VPS9D1: variants seen among roughly 807,000 people sequenced by gnomAD.
VPS9D1 encodes the protein VPS9 domain containing 1.
VPS9D1 carries 78 observed loss-of-function variants against 75.8 expected under a neutral mutation model. The ratio of observed to expected loss-of-function variants is 1.03; its 90% CI spans 0.86 to 1.24. VPS9D1 has a LOEUF of 1.24. Ranked by LOEUF, VPS9D1 falls within the 50% of genes most tolerant of loss-of-function variation. The pLI, the probability that VPS9D1 is intolerant of heterozygous loss-of-function variation, is 0.00. For synonymous variants in VPS9D1, 481 were observed against 385.6 expected, an observed-to-expected ratio of 1.25 and a Z score of -2.90; for missense variants, 1,057 against 847.7, an observed-to-expected ratio of 1.25 and a Z score of -3.07.
intron 1 of VPS9D1, chr16:89,720,537 C>T: frequency 8.6e-7 from 1 of 1,166,606 alleles, no homozygotes; most frequent in Non-Finnish European, 1.1e-6. Flanking sequence ...ACCGGCTCAG[C>T]GAGCGGAGTG....
Position 89,709,248 on chromosome 16 carries a change from G to C in VPS9D1, c.1576C>G (p.Gln526Glu). 1.9e-6 allele frequency: 3 copies of C among 1,611,824 alleles called. No individual in the cohort carries two copies. The East Asian group carries it at 6.7e-5, about 36-fold the overall frequency. ...LGLLVLESCP[Q>E]KKLECIVRTL... ...TGACCTATGCACTCCAGCTTCTTCT[G>C]GGGGCAGCTCTCCAGGACCAGCAGT... Residue 526 changes from glutamine (Q) to glutamate (E), a missense_variant, in exon 12 of 15, where the codon CAG becomes GAG. Gln to Glu is a conservative substitution (Grantham distance 29, BLOSUM62 2). Transcript: ENST00000389386.
chr16:89,720,558 G>A (rs557305724), intron 1 of VPS9D1: 3 of 1,182,968 alleles, frequency 2.5e-6, no homozygotes, highest in East Asian at 7.6e-5. Flanking sequence ...GAAAGCCAAG[G>A]TCCGCAGGAT....
At position 89,717,864 on chromosome 16, in the gene VPS9D1, C is replaced by T. The variant is rs531018771; in HGVS notation, c.176-1042G>A. 6.8e-4 allele frequency: 309 copies of T among 451,276 alleles called. 1 individual carries two copies. Among genetic ancestry groups the T allele is most frequent in the African/African-American group, 5.5e-3 (275 of 49,606 alleles). 28.0% of individuals were successfully genotyped at this position (451,276 alleles called of 1,614,324 possible). A position where few individuals can be genotyped will look rare whatever the true frequency, so the allele number is the denominator to read the frequency against. ...GTGATCCTACGTCCAGTGGCTGCCC[C>T]GACCTCTGTGATCCCACGTCCAGGG... On this transcript the variant is annotated intron_variant, in intron 2 of 14. Transcript: ENST00000389386.
chr16:89,708,708 G>A (rs891931737), intron 13 of VPS9D1, 149 bp downstream of exon 13: 16 of 1,097,888 alleles, frequency 1.5e-5, no homozygotes, highest in Admixed American at 2.7e-5. Flanking sequence ...CCCGTACTGC[G>A]GAGCCAGGGC....
chr16:89,711,506 G>C (rs1191988550), intron 8 of VPS9D1, 94 bp from the exon 9 acceptor site: 3 of 1,271,538 alleles, frequency 2.4e-6, no homozygotes, highest in Non-Finnish European at 3.3e-6. Context: ...AGAGACTGTG[G>C]GAGCCCGTCC....
chr16:89,719,332 T>TGAGA (rs60695312), intron 1 of VPS9D1: 3 of 606,518 alleles, frequency 4.9e-6, no homozygotes, highest in Admixed American at 2.1e-5. Flanking sequence ...CATCAGGACC[T>TGAGA]GAGAGAGAGA....
chr16:89,710,767 G>A lies in VPS9D1; in HGVS notation c.1077C>T (p.Pro359=), dbSNP rs2060897268. The change falls in exon 10 of 15, where the codon CCC becomes CCT. Residue 359 remains proline (P), a synonymous_variant. Transcript: ENST00000389386. ...SPPTPPLQPG[P]VGSPSPLGDT... is the part of the protein sequence containing the mutation. ...CCCCCAGGGGTGAGGGAGACCCCACGGGGCCGGGTTGGAGTGGGGGCGTGG... is the reference window on the plus strand; with the variant it reads ...CCCCCAGGGGTGAGGGAGACCCCACAGGGCCGGGTTGGAGTGGGGGCGTGG... 6 of 1,561,216 alleles carry A rather than the reference G, an allele frequency of 3.8e-6. No individual in the cohort carries two copies. The highest frequency in any genetic ancestry group is 4.8e-5 in the East Asian group (2 of 41,768).
At chr16:89,709,465 C>T (rs778300622) in intron 11 of VPS9D1, 30 bp from the exon 12 acceptor site, 46 of 1,494,258 alleles carry the variant, frequency 3.1e-5, no homozygotes, top group Non-Finnish European at 3.7e-5. Flanking sequence ...GGCTAAGCTG[C>T]CCCAGGGACC....
At chr16:89,710,349 G>A (rs879679902) in intron 10 of VPS9D1, among the ~76,000 whole-genome samples, 1 of 152,164 alleles carries the variant, frequency 6.6e-6, no homozygotes, top group Non-Finnish European at 1.5e-5. Flanking sequence ...ACTTTGGGAG[G>A]CCGGGGTGGG....
intron 10 of VPS9D1, 28 bp downstream of exon 10, chr16:89,710,558 G>A (rs1249125735): frequency 6.4e-7 from 1 of 1,562,870 alleles, no homozygotes; most frequent in South Asian, 1.2e-5. Context: ...GAGCTGCGGC[G>A]GCTCTCCCAG....
intron 11 of VPS9D1, 82 bp from the exon 12 acceptor site, chr16:89,709,517 C>T: frequency 7.0e-7 from 1 of 1,424,836 alleles, no homozygotes; most frequent in South Asian, 1.4e-5. Context: ...GGAGCTCAGT[C>T]CTGGAGAAAA....
Position 89,709,330 on chromosome 16 carries a change from G to C in VPS9D1, c.1494C>G (p.Asn498Lys), listed in dbSNP as rs780122191. 6.3e-7 allele frequency: 1 copy of C among 1,599,874 alleles called. No homozygotes were observed. Among genetic ancestry groups the C allele is most frequent in the Non-Finnish European group, 8.5e-7 (1 of 1,175,196 alleles). ...AGCCAGTGGCCCCCTTGGCCTCAGG[G>C]TTCTGGGGGAGGAGCTTGGTGGGGA... Reference protein sequence around the residue: ...IGIPTKLLPQNPEAKGATGYP... With the variant: ...IGIPTKLLPQKPEAKGATGYP... Residue 498 changes from asparagine to lysine, a missense_variant, in exon 12 of 15, where the codon AAC becomes AAG. Physicochemically the swap from Asn to Lys is moderately conservative, Grantham distance 94. Transcript: ENST00000389386.
chr16:89,709,827 A>G lies in VPS9D1; in HGVS notation c.1338T>C (p.Ile446=). Residue 446 remains isoleucine, a synonymous_variant, in exon 11 of 15, where the codon ATT becomes ATC. Transcript: ENST00000389386. ...AASKDRCLAC[I]EEPFFSPLWP... ...ACAGCGGGGAGAAAAAGGGTTCCTC[A>G]ATGCAGGCCAGGCAGCGGTCCTTGG... 6.2e-7 allele frequency: 1 copy of G among 1,613,808 alleles called. No individual in the cohort carries two copies. Among genetic ancestry groups the G allele is most frequent in the Non-Finnish European group, 8.5e-7 (1 of 1,179,934 alleles).
chr16:89,716,374 A>G, intron 4 of VPS9D1, 88 bp downstream of exon 4: 2 of 1,574,524 alleles, frequency 1.3e-6, no homozygotes, highest in South Asian at 2.3e-5. Flanking sequence ...TCAAAAAACA[A>G]AAAAAAAATC....
In VPS9D1 at chr16:89,711,875, G is replaced by T. The variant is rs759592085; in HGVS notation, c.747+7C>A. ...TCCTACAAAGCCTGGGCCCGTGGGGGACGCACATGGTCCTGTTCGTACTCC... is the reference window on the plus strand; with the variant it reads ...TCCTACAAAGCCTGGGCCCGTGGGGTACGCACATGGTCCTGTTCGTACTCC... On this transcript the variant is annotated splice_region_variant and intron_variant, in intron 8 of 14. Coordinates refer to ENST00000389386, the MANE Select transcript of VPS9D1 (RefSeq NM_004913.3). 1.3e-6 allele frequency: 2 copies of T among 1,550,218 alleles called. No individual in the cohort carries two copies. Among genetic ancestry groups the T allele is most frequent in the South Asian group, 2.4e-5 (2 of 84,068 alleles).
At chr16:89,709,490 G>A in intron 11 of VPS9D1, 55 bp from the exon 12 acceptor site, 25 of 1,468,370 alleles carry the variant, frequency 1.7e-5, no homozygotes, top group Non-Finnish European at 2.2e-5. Context: ...CCTGGGGACA[G>A]AAGCAGGGCT....
chr16:89,718,160 A>C (rs1250045055), intron 2 of VPS9D1: 1 of 425,464 alleles, frequency 2.4e-6, no homozygotes, highest in African/African-American at 2.0e-5. Flanking sequence ...TCATTGCGGA[A>C]CTTGCTATTC....
rs115229196 is a variant in VPS9D1, at chr16:89,715,199, T to C, written c.431+1263A>G. On this transcript the variant is annotated intron_variant, in intron 4 of 14. Coordinates refer to ENST00000389386, the MANE Select transcript of VPS9D1 (RefSeq NM_004913.3). ...ATGGATTTCTACATATATATAGATA[T>C]ATAACTCATCCTTGTTCCCAGCTAA... Among the ~76,000 whole-genome samples, 773 of 151,420 alleles carry C rather than the reference T, an allele frequency of 5.1e-3. 4 individuals carry two copies. Among genetic ancestry groups the C allele is most frequent in the African/African-American group, 0.018 (749 of 41,308 alleles).
Position 89,712,616 on chromosome 16 carries a change from T to C in VPS9D1, c.532A>G (p.Lys178Glu). ...TAGCCCCCACTCACCAGGGATGTCTTCTGCATGGCCTGGCTGGGGTCTAGC... is the reference window on the plus strand; with the variant it reads ...TAGCCCCCACTCACCAGGGATGTCTCCTGCATGGCCTGGCTGGGGTCTAGC... ...ARLDPSQAMQKTSLTLSLQRQ... is the reference protein window; with the variant it reads ...ARLDPSQAMQETSLTLSLQRQ... The change falls in exon 5 of 15, where the codon AAG (lysine) becomes GAG (glutamate). Residue 178 changes from lysine to glutamate, a missense_variant. Lys to Glu is a moderately conservative substitution (Grantham distance 56). Transcript: ENST00000389386. 1.2e-6 allele frequency: 2 copies of C among 1,609,920 alleles called. No individual in the cohort carries two copies. Among genetic ancestry groups the C allele is most frequent in the Non-Finnish European group, 1.7e-6 (2 of 1,178,160 alleles).
Sources: gnomAD v4.1 joint callset for allele counts (sites outside exome capture counted in the v4.1 genomes callset) on GRCh38, gnomAD v4.1.1 for gene constraint, MANE v1.5 for transcripts, NCBI Gene and HGNC (gene_info 2026-07-23, HGNC 2026-07-21) for gene names.